Variants in CAV2 observed in about 807,000 individuals in gnomAD.
CAV2 encodes the protein caveolin 2, also known as caveolin-2.
CAV2 carries 7 observed loss-of-function variants against 15.5 expected under a neutral mutation model. The observed-to-expected ratio is 0.45, with a 90% CI of 0.26 to 0.85. CAV2 has a LOEUF of 0.85. Ranked by LOEUF, CAV2 falls within the 40% of genes least tolerant of loss-of-function variation. The pLI, the probability that CAV2 is intolerant of heterozygous loss-of-function variation, is 0.18. For missense variants in CAV2, 229 were observed against 208.8 expected, an observed-to-expected ratio of 1.10 and a Z score of -0.60; for synonymous variants, 76 against 83.1, an observed-to-expected ratio of 0.91 and a Z score of 0.46.
intron 2 of CAV2, among the ~76,000 whole-genome samples, chr7:116,503,002 A>T (rs143361543): frequency 6.6e-6 from 1 of 152,292 alleles, no homozygotes; most frequent in Admixed American, 6.5e-5. Context: ...CGATAGTAGC[A>T]ATCTCATTTC....
chr7:116,506,182 A>G lies in CAV2; in HGVS notation c.*61A>G. On this transcript the variant is annotated 3_prime_UTR_variant, in exon 3 of 3. Transcript: ENST00000222693. Reference sequence around the variant, plus strand: ...TAATACTTCTTTGTTATTATAACATAAAAGCACCACTGTTCTGTTCATTTC... The same window carrying G: ...TAATACTTCTTTGTTATTATAACATGAAAGCACCACTGTTCTGTTCATTTC... 1 of 1,537,166 alleles carries G rather than the reference A, an allele frequency of 6.5e-7. No homozygotes were observed. Among genetic ancestry groups the G allele is most frequent in the Non-Finnish European group, 9.0e-7 (1 of 1,113,104 alleles).
At position 116,507,320 on chromosome 7, in the gene CAV2, T is replaced by G. The variant is rs1352027278; in HGVS notation, c.*1199T>G. 5 of 152,224 alleles carry G rather than the reference T, an allele frequency of 3.3e-5. No homozygotes were observed. The highest frequency in any genetic ancestry group is 7.3e-5 in the Non-Finnish European group (5 of 68,048). 9.4% of individuals were successfully genotyped at this position (152,224 alleles called of 1,614,324 possible). On this transcript the variant is annotated 3_prime_UTR_variant, in exon 3 of 3. Transcript: ENST00000222693. ...GTAACACAGGATAAAGTTATTCTTGTCATTTTGAACTGTAGAGTCCTATTT... is the reference window on the plus strand; with the variant it reads ...GTAACACAGGATAAAGTTATTCTTGGCATTTTGAACTGTAGAGTCCTATTT...
chr7:116,504,042 G>GAA (rs1793175225), intron 2 of CAV2, among the ~76,000 whole-genome samples: 1 of 112,554 alleles, frequency 8.9e-6, no homozygotes, highest in African/African-American at 2.9e-5. Context: ...GAAAGAAAAA[G>GAA]AAAGAAAGAG....
Position 116,507,232 on chromosome 7 carries a change from A to G in CAV2, c.*1111A>G, listed in dbSNP as rs1445120503. On this transcript the variant is annotated 3_prime_UTR_variant, in exon 3 of 3. Coordinates refer to ENST00000222693, the MANE Select transcript of CAV2 (RefSeq NM_001233.5). The stretch of plus-strand genomic sequence containing the variant: ...GGGGAGTTGTCAACTTGGGCTACTG[A>G]ACTACATGCATAAACTAAAAACTAA... 1.3e-5 allele frequency: 2 copies of G among 152,516 alleles called. No homozygotes were observed. Among genetic ancestry groups the G allele is most frequent in the African/African-American group, 4.8e-5 (2 of 41,460 alleles). 9.4% of individuals were successfully genotyped at this position (152,516 alleles called of 1,614,324 possible).
chr7:116,499,922 G>A lies in CAV2; in HGVS notation c.141G>A (p.Ser47=), dbSNP rs753283260. Residue 47 remains serine, a synonymous_variant, in exon 1 of 3, where the codon TCG becomes TCA. Coordinates refer to ENST00000222693, the MANE Select transcript of CAV2 (RefSeq NM_001233.5). ...DQDRDPHRLN[S]HLKLGFEDVI... ...ACCGGGATCCCCACCGGCTCAACTC[G>A]CATCTCAAGGTGAAGCCCGGGGCGG... is the stretch of plus-strand genomic sequence containing the variant. 6.2e-7 allele frequency: 1 copy of A among 1,611,014 alleles called. No homozygotes were observed. The highest frequency in any genetic ancestry group is 8.5e-7 in the Non-Finnish European group (1 of 1,179,144).
chr7:116,502,980 C>A (rs1793138325), intron 2 of CAV2, among the ~76,000 whole-genome samples: 1 of 152,078 alleles, frequency 6.6e-6, no homozygotes, highest in Admixed American at 6.5e-5. Flanking sequence ...AAATGCCCAA[C>A]TGATGGAAAT....
chr7:116,505,824 A>G (rs965668235), intron 2 of CAV2, 147 bp from the exon 3 acceptor site: 2 of 586,368 alleles, frequency 3.4e-6, no homozygotes, highest in Non-Finnish European at 6.0e-6. Context: ...CCAAATCATT[A>G]TCAGTGATCA....
chr7:116,503,561 G>A (rs1793149381), intron 2 of CAV2, among the ~76,000 whole-genome samples: 1 of 151,942 alleles, frequency 6.6e-6, no homozygotes, highest in African/African-American at 2.4e-5. Context: ...GGGAGCAGTG[G>A]CTCTCGCCTG....
In CAV2 at chr7:116,500,244, C is replaced by T. The variant is rs1793064800; in HGVS notation, c.151-16C>T. The T allele has an allele frequency of 1.2e-6, 2 of 1,609,736 alleles. No homozygotes were observed. The highest frequency in any genetic ancestry group is 1.7e-6 in the Non-Finnish European group (2 of 1,177,758). On this transcript the variant is annotated splice_polypyrimidine_tract_variant and intron_variant, in intron 1 of 2. Coordinates refer to ENST00000222693, the MANE Select transcript of CAV2 (RefSeq NM_001233.5). ...GTTGGCTGACAGTTCGGGGTCCCTG[C>T]GTCCTGTCTCCTCAGCTGGGCTTCG...
chr7:116,500,386 G>T lies in CAV2; in HGVS notation c.277G>T (p.Ala93Ser), dbSNP rs1162147481. The change falls in exon 2 of 3, where the codon GCC becomes TCC. Residue 93 changes from alanine to serine, a missense_variant. Physicochemically the swap from Ala to Ser is moderately conservative, Grantham distance 99. Transcript: ENST00000222693. ...VMYKFLTVFL[A>S]IPLAFIAGIL... ...GTACAAGTTCCTGACGGTGTTCCTGGCCATTCCCCTGGCCTTCATTGCGGG... is the reference window on the plus strand; with the variant it reads ...GTACAAGTTCCTGACGGTGTTCCTGTCCATTCCCCTGGCCTTCATTGCGGG... The T allele has an allele frequency of 6.2e-7, 1 of 1,614,068 alleles. No homozygotes were observed. Among genetic ancestry groups the T allele is most frequent in the African/African-American group, 1.3e-5 (1 of 74,922 alleles).
chr7:116,503,757 G>A (rs1485269338), intron 2 of CAV2, among the ~76,000 whole-genome samples: 1 of 151,742 alleles, frequency 6.6e-6, no homozygotes, highest in Non-Finnish European at 1.5e-5. Flanking sequence ...TCGAACCCGG[G>A]AGGCGAAGGT....
chr7:116,505,468 G>A (rs1460106422), intron 2 of CAV2, among the ~76,000 whole-genome samples: 1 of 152,114 alleles, frequency 6.6e-6, no homozygotes, highest in Non-Finnish European at 1.5e-5. Context: ...AAAGAAAAGA[G>A]GTTTATTTTT....
chr7:116,506,761 T>C lies in CAV2; in HGVS notation c.*640T>C, dbSNP rs1302579092. ...CTGTATATTTTGTAGTTAATATAAA[T>C]GTTGCTCTAATCAGATTGCTTAAAA... On this transcript the variant is annotated 3_prime_UTR_variant, in exon 3 of 3. Coordinates refer to ENST00000222693, the MANE Select transcript of CAV2 (RefSeq NM_001233.5). The C allele has an allele frequency of 6.6e-6, 1 of 152,260 alleles. No individual in the cohort carries two copies. Among genetic ancestry groups the C allele is most frequent in the East Asian group, 1.9e-4 (1 of 5,208 alleles). 9.4% of individuals were successfully genotyped at this position (152,260 alleles called of 1,614,324 possible).
rs185697908 is a variant in CAV2, at chr7:116,506,247, C to G, written c.*126C>G. The G allele has an allele frequency of 7.1e-5, 61 of 860,790 alleles. No individual in the cohort carries two copies. The East Asian group carries it at 1.6e-3, about 22-fold the overall frequency. The allele number at this position is 860,790 out of a possible 1,614,324, so 53.3% of individuals were successfully genotyped here. A position where few individuals can be genotyped will look rare whatever the true frequency, so the allele number is the denominator to read the frequency against. ...TAAGAAAACTATTAAGATGAGCAAC[C>G]ACATTTAGAAATGTTTATTGACAGG... is the stretch of plus-strand genomic sequence containing the variant. On this transcript the variant is annotated 3_prime_UTR_variant, in exon 3 of 3. Transcript: ENST00000222693.
Position 116,500,243 on chromosome 7 carries a change from G to T in CAV2, c.151-17G>T, listed in dbSNP as rs1347745715. 6.2e-7 allele frequency: 1 copy of T among 1,610,002 alleles called. No homozygotes were observed. The highest frequency in any genetic ancestry group is 2.2e-5 in the East Asian group (1 of 44,834). On this transcript the variant is annotated splice_polypyrimidine_tract_variant and intron_variant, in intron 1 of 2. Coordinates refer to ENST00000222693, the MANE Select transcript of CAV2 (RefSeq NM_001233.5). ...GGTTGGCTGACAGTTCGGGGTCCCT[G>T]CGTCCTGTCTCCTCAGCTGGGCTTC...
chr7:116,504,928 A>G (rs1037781313), intron 2 of CAV2, among the ~76,000 whole-genome samples: 28 of 152,218 alleles, frequency 1.8e-4, no homozygotes, highest in Admixed American at 8.5e-4. Context: ...ATTACTGTGA[A>G]AAAATTAAAA....
rs1793254722 is a variant in CAV2, at chr7:116,507,091, C to CT, written c.*971dup. ...AGAAATTAAATCTGTGTCAGCATTCCTATTAATGTCTCACTTTACTTTCAA... is the reference window on the plus strand; with the variant it reads ...AGAAATTAAATCTGTGTCAGCATTCCTTATTAATGTCTCACTTTACTTTCAA... On this transcript the variant is annotated 3_prime_UTR_variant, in exon 3 of 3. Coordinates refer to ENST00000222693, the MANE Select transcript of CAV2 (RefSeq NM_001233.5). The CT allele has an allele frequency of 6.6e-6, 1 of 152,600 alleles. No individual in the cohort carries two copies. The highest frequency in any genetic ancestry group is 1.5e-5 in the Non-Finnish European group (1 of 68,022). The allele number at this position is 152,600 out of a possible 1,614,324, so 9.5% of individuals were successfully genotyped here. A position where few individuals can be genotyped will look rare whatever the true frequency, so the allele number is the denominator to read the frequency against.
At chr7:116,501,724 T>G (rs3779511) in intron 2 of CAV2, among the ~76,000 whole-genome samples, 50,837 of 151,766 alleles carry the variant, frequency 0.33, 8,710 homozygotes, top group African/African-American at 0.36. Context: ...CTTTGAAGAG[T>G]GAAAGGAGTC....
intron 1 of CAV2, 32 bp downstream of exon 1, chr7:116,499,963 C>G: frequency 6.2e-7 from 1 of 1,602,604 alleles, no homozygotes; most frequent in Non-Finnish European, 8.5e-7. Context: ...CCCAAGTCCC[C>G]GCTGAGGCCG....
Sources: allele counts gnomAD v4.1 joint callset (sites outside exome capture counted in the v4.1 genomes callset), GRCh38; gene constraint gnomAD v4.1.1; transcripts MANE v1.5; gene names NCBI Gene and HGNC (gene_info 2026-07-23, HGNC 2026-07-21).